The following DPY19L1 variants were observed in gnomAD, a reference collection of about 807,000 sequenced individuals.
The protein encoded by DPY19L1 is protein C-mannosyl-transferase DPY19L1.
A neutral mutation model predicts 96.9 loss-of-function variants in DPY19L1; 35 were observed. The ratio of observed to expected loss-of-function variants is 0.36; its 90% confidence interval spans 0.28 to 0.48. The LOEUF is 0.48. DPY19L1 is among the 20% of genes least tolerant of loss of function. DPY19L1 has a pLI of 0.99. For missense variants in DPY19L1, 521 were observed against 777.9 expected, an observed-to-expected ratio of 0.67 and a Z score of 3.93; for synonymous variants, 205 against 252.6, an observed-to-expected ratio of 0.81 and a Z score of 1.79.
chr7:34,947,508 T>C (rs1784174088), intron 15 of DPY19L1, 122 bp downstream of exon 15: 4 of 693,772 alleles, frequency 5.8e-6, no homozygotes, highest in Admixed American at 6.6e-5. Context: ...AAACATAGAA[T>C]ATGTTACAGT....
At position 35,011,466 on chromosome 7, in the gene DPY19L1, C is replaced by G. The variant is rs1387032620; in HGVS notation, c.550-16G>C. ...CCAAAATTACCTATTTTAAAAAATA[C>G]AGAGGCATCTTAAGAAAATATACTA... On this transcript the variant is annotated splice_polypyrimidine_tract_variant and intron_variant, in intron 4 of 21. Transcript: ENST00000638088. The G allele has an allele frequency of 1.3e-6, 2 of 1,584,240 alleles. No individual in the cohort carries two copies. The highest frequency in any genetic ancestry group is 4.5e-5 in the East Asian group (2 of 44,648).
At chr7:34,963,300 C>T (rs117431028) in intron 10 of DPY19L1, among the ~76,000 whole-genome samples, 42 of 151,814 alleles carry the variant, frequency 2.8e-4, no homozygotes, top group South Asian at 6.2e-4. Context: ...TCACCTTATA[C>T]CTATTAGGAT....
chr7:35,038,037 T>C, upstream of DPY19L1: 2 of 635,622 alleles, frequency 3.1e-6, no homozygotes. Context: ...AGCGGCCACT[T>C]AGGGGCGCTG....
chr7:35,035,856 T>C (rs1786383150), intron 1 of DPY19L1, among the ~76,000 whole-genome samples: 1 of 151,640 alleles, frequency 6.6e-6, no homozygotes, highest in African/African-American at 2.4e-5. Context: ...CTCCCCAAGG[T>C]GAGCTTTTCT....
At chr7:35,004,646 AT>A (rs2128676402) in intron 6 of DPY19L1, among the ~76,000 whole-genome samples, 1 of 152,366 alleles carries the variant, frequency 6.6e-6, no homozygotes, top group Non-Finnish European at 1.5e-5. Flanking sequence ...CATTTTACAC[AT>A]AAAAAAGTAT....
intron 10 of DPY19L1, among the ~76,000 whole-genome samples, chr7:34,966,347 G>A (rs1326343757): frequency 6.6e-6 from 1 of 152,074 alleles, no homozygotes; most frequent in Non-Finnish European, 1.5e-5. Flanking sequence ...GCCCAGGCTG[G>A]AGTGCAGTGG....
intron 21 of DPY19L1, among the ~76,000 whole-genome samples, chr7:34,936,395 G>C (rs1480234029): frequency 6.6e-6 from 1 of 152,046 alleles, no homozygotes; most frequent in Non-Finnish European, 1.5e-5. Flanking sequence ...ACTCTCAAAG[G>C]CTCATTGTTA....
chr7:34,969,606 T>A, intron 8 of DPY19L1, 74 bp from the exon 9 acceptor site: 2 of 671,774 alleles, frequency 3.0e-6, no homozygotes, highest in Non-Finnish European at 4.6e-6. Context: ...TGCTGCAAAT[T>A]AGAATCTCGA....
intron 8 of DPY19L1, among the ~76,000 whole-genome samples, chr7:34,972,671 G>A (rs1409745096): frequency 6.6e-6 from 1 of 152,098 alleles, no homozygotes; most frequent in African/African-American, 2.4e-5. Flanking sequence ...GAACCAACAG[G>A]GCACAGTTAA....
intron 3 of DPY19L1, among the ~76,000 whole-genome samples, chr7:35,016,953 A>G (rs1785863780): frequency 6.6e-6 from 1 of 152,154 alleles, no homozygotes; most frequent in African/African-American, 2.4e-5. Flanking sequence ...AACTAAATGC[A>G]ATGTGTAGGC....
chr7:34,939,183 T>C (rs1461570786), intron 20 of DPY19L1, 93 bp downstream of exon 20: 1 of 1,134,316 alleles, frequency 8.8e-7, no homozygotes, highest in Non-Finnish European at 1.3e-6. Flanking sequence ...ATCATATCCT[T>C]TTGAAACATT....
rs185000184 is a variant in DPY19L1, at chr7:34,994,588, G to C, written c.765-4647C>G. Among the ~76,000 whole-genome samples the C allele has an allele frequency of 2.8e-3, 425 of 152,048 alleles. 1 individual carries two copies. The highest frequency in any genetic ancestry group is 9.1e-3 in the African/African-American group (376 of 41,504). The stretch of plus-strand genomic sequence containing the variant: ...TGGGAGGCTGAGGCGGGCGGATCAC[G>C]AGGTCAGGAGATCGAGACCATCCTG... On this transcript the variant is annotated intron_variant, in intron 6 of 21. Coordinates refer to ENST00000638088, the MANE Select transcript of DPY19L1 (RefSeq NM_001366673.1).
chr7:34,996,211 C>T (rs1356855364), intron 6 of DPY19L1, among the ~76,000 whole-genome samples: 4 of 152,218 alleles, frequency 2.6e-5, no homozygotes, highest in Admixed American at 6.5e-5. Flanking sequence ...AATCAAAAGA[C>T]TGCTGGCATT....
upstream of DPY19L1, chr7:35,037,841 C>T (rs1786485345): frequency 5.7e-6 from 7 of 1,232,396 alleles, no homozygotes; most frequent in Admixed American, 2.1e-4. Context: ...GCGCGGGGCT[C>T]GGCCGGTGCG....
chr7:34,971,322 C>A (rs1037537502), intron 8 of DPY19L1, among the ~76,000 whole-genome samples: 2 of 152,106 alleles, frequency 1.3e-5, no homozygotes, highest in African/African-American at 4.8e-5. Context: ...GTTTTCCCTC[C>A]TAAAAAGACT....
At chr7:35,032,228 G>C (rs1472030921) in intron 1 of DPY19L1, among the ~76,000 whole-genome samples, 2 of 152,106 alleles carry the variant, frequency 1.3e-5, no homozygotes, top group African/African-American at 4.8e-5. Context: ...TGTCCCCTTA[G>C]AGGAGATGAA....
At chr7:35,032,145 C>G (rs1419523534) in intron 1 of DPY19L1, among the ~76,000 whole-genome samples, 1 of 152,126 alleles carries the variant, frequency 6.6e-6, no homozygotes, top group Non-Finnish European at 1.5e-5. Flanking sequence ...AACAAGAAAA[C>G]TAACATTTAT....
chr7:34,947,543 G>C, intron 15 of DPY19L1, 87 bp downstream of exon 15: 1 of 1,100,152 alleles, frequency 9.1e-7, no homozygotes. Context: ...CGTTGTATCA[G>C]ATAAATGTGG....
chr7:34,939,116 T>C, intron 20 of DPY19L1, 160 bp downstream of exon 20: 1 of 591,342 alleles, frequency 1.7e-6, no homozygotes, highest in Non-Finnish European at 2.8e-6. Flanking sequence ...CGGATTTGTT[T>C]AGAGCTTAGC....
Sources: allele counts gnomAD v4.1 joint callset (sites outside exome capture counted in the v4.1 genomes callset), GRCh38; gene constraint gnomAD v4.1.1; transcripts MANE v1.5; gene names NCBI Gene and HGNC (gene_info 2026-07-23, HGNC 2026-07-21).